Variants in WHRN observed in about 807,000 individuals in gnomAD.
WHRN encodes CASK-interacting protein CIP98.
WHRN carries 41 observed loss-of-function variants against 68.3 expected under a neutral mutation model. That is an observed-to-expected ratio of 0.60 (90% CI 0.47 to 0.78). The LOEUF is 0.78. Ranked by LOEUF, WHRN falls within the 30% of genes least tolerant of loss-of-function variation. WHRN has a pLI of 0.00. For missense variants in WHRN, 1,243 were observed against 1,244.7 expected, an observed-to-expected ratio of 1.00 and a Z score of 0.02; for synonymous variants, 560 against 561.3, an observed-to-expected ratio of 1.00 and a Z score of 0.03.
At chr9:114,428,007 G>A (rs955515524) in intron 3 of WHRN, among the ~76,000 whole-genome samples, 2 of 152,168 alleles carry the variant, frequency 1.3e-5, no homozygotes, top group African/African-American at 4.8e-5. Context: ...TATCCCCAGG[G>A]CCCAGCACAC....
chr9:114,476,395 C>T (rs768697063), intron 2 of WHRN, among the ~76,000 whole-genome samples: 118 of 152,074 alleles, frequency 7.8e-4, no homozygotes, highest in Non-Finnish European at 1.3e-3. Flanking sequence ...GCTGTCCTTG[C>T]TGCTTGGGAT....
intron 1 of WHRN, chr9:114,491,763 C>T: frequency 3.7e-6 from 1 of 272,594 alleles, no homozygotes; most frequent in Non-Finnish European, 7.6e-6. Context: ...CGTGTCCAAC[C>T]CTCCCGCCCT....
rs549295948 is a variant in WHRN, at chr9:114,439,951, C to T, written c.964-13538G>A. ...ATTTATTGAGACGGAGTCTCTCTGT[C>T]GCCCAGGCTCCAGTGCAGTGGTGTG... On this transcript the variant is annotated intron_variant, in intron 3 of 11. Coordinates refer to ENST00000362057, the MANE Select transcript of WHRN (RefSeq NM_015404.4). Among the ~76,000 whole-genome samples the T allele has an allele frequency of 1.3e-4, 20 of 152,336 alleles. No homozygotes were observed. In the South Asian group the frequency reaches 2.7e-3, roughly 21 times the overall value.
intron 1 of WHRN, among the ~76,000 whole-genome samples, chr9:114,482,435 C>A (rs180729158): frequency 6.6e-6 from 1 of 152,280 alleles, no homozygotes; most frequent in African/African-American, 2.4e-5. Flanking sequence ...GGATTCCAGT[C>A]GGCTTACCAG....
chr9:114,455,539 T>C (rs988299166), intron 3 of WHRN, among the ~76,000 whole-genome samples: 1 of 151,944 alleles, frequency 6.6e-6, no homozygotes, highest in African/African-American at 2.4e-5. Context: ...GACAAAACTC[T>C]TTCTGTACAA....
Position 114,466,247 on chromosome 9 carries a change from T to C in WHRN, c.963+20A>G. ...AGAGCTCCATGCACAGAGTTTTCCC[T>C]CCCTCAGGCCCTCCCTCACCTTGAG... is the stretch of plus-strand genomic sequence containing the variant. On this transcript the variant is annotated intron_variant, in intron 3 of 11. Coordinates refer to ENST00000362057, the MANE Select transcript of WHRN (RefSeq NM_015404.4). The C allele has an allele frequency of 6.2e-7, 1 of 1,613,624 alleles. No homozygotes were observed. Among genetic ancestry groups the C allele is most frequent in the Non-Finnish European group, 8.5e-7 (1 of 1,179,994 alleles).
chr9:114,434,037 C>T (rs1217044939), intron 3 of WHRN, among the ~76,000 whole-genome samples: 1 of 152,234 alleles, frequency 6.6e-6, no homozygotes, highest in Non-Finnish European at 1.5e-5. Flanking sequence ...CAAGGTCGTA[C>T]TCTGAGTCAA....
At chr9:114,425,402 A>G in intron 4 of WHRN, 2 of 556,936 alleles carry the variant, frequency 3.6e-6, no homozygotes, top group East Asian at 2.9e-5. Context: ...GAGATCCCAG[A>G]TGCAACTCGC....
At chr9:114,485,834 AC>A (rs1355937471) in intron 1 of WHRN, among the ~76,000 whole-genome samples, 5 of 151,996 alleles carry the variant, frequency 3.3e-5, no homozygotes, top group African/African-American at 1.2e-4. Flanking sequence ...GTGAGACGCC[AC>A]AAAAAAAATT....
At chr9:114,432,770 C>G (rs969305704) in intron 3 of WHRN, among the ~76,000 whole-genome samples, 1 of 152,160 alleles carries the variant, frequency 6.6e-6, no homozygotes, top group Non-Finnish European at 1.5e-5. Flanking sequence ...AGCACATAAA[C>G]AAGTAGCTAA....
chr9:114,412,921 C>T (rs974693110), intron 7 of WHRN, among the ~76,000 whole-genome samples: 1 of 152,226 alleles, frequency 6.6e-6, no homozygotes, highest in Admixed American at 6.5e-5. Flanking sequence ...CAGCCCAATT[C>T]CGGGTTTCTA....
chr9:114,434,826 C>T (rs1837710589), intron 3 of WHRN, among the ~76,000 whole-genome samples: 1 of 152,128 alleles, frequency 6.6e-6, no homozygotes, highest in South Asian at 2.1e-4. Flanking sequence ...CTTTAAAATG[C>T]CCCAGTAGCT....
chr9:114,480,198 A>T (rs1040612489), intron 1 of WHRN, among the ~76,000 whole-genome samples: 27 of 152,066 alleles, frequency 1.8e-4, no homozygotes, highest in African/African-American at 6.3e-4. Flanking sequence ...CAAGCCCAAA[A>T]CTCTACAGCC....
intron 1 of WHRN, among the ~76,000 whole-genome samples, chr9:114,487,527 G>A (rs755487374): frequency 1.3e-5 from 2 of 152,032 alleles, no homozygotes; most frequent in Non-Finnish European, 2.9e-5. Flanking sequence ...CACCACTACC[G>A]AATTCTCATT....
chr9:114,504,344 C>T lies in WHRN; in HGVS notation c.458G>A (p.Gly153Asp), dbSNP rs752926572. The change falls in exon 1 of 12, where the codon GGC becomes GAC. Residue 153 changes from glycine (G) to aspartate (D), a missense_variant. Coordinates refer to ENST00000362057, the MANE Select transcript of WHRN (RefSeq NM_015404.4). ...CTCCGAGCCCCCACGGATGCTGAAG[C>T]CCAAGCCCTCGTGGGCCTTGGCACG... ...LRRAKAHEGL[G>D]FSIRGGSEHG... 8 of 1,609,434 alleles carry T rather than the reference C, an allele frequency of 5.0e-6. No homozygotes were observed. The South Asian group carries it at 6.6e-5, about 13-fold the overall frequency.
At chr9:114,459,785 C>T (rs1199437807) in intron 3 of WHRN, among the ~76,000 whole-genome samples, 1 of 152,180 alleles carries the variant, frequency 6.6e-6, no homozygotes, top group African/African-American at 2.4e-5. Flanking sequence ...ATTAGGACTG[C>T]CATAAAATCA....
chr9:114,442,821 C>T (rs1053330165), intron 3 of WHRN, among the ~76,000 whole-genome samples: 3 of 152,230 alleles, frequency 2.0e-5, no homozygotes, highest in Non-Finnish European at 4.4e-5. Context: ...CCAGACAAAA[C>T]TCTCTTCTTT....
chr9:114,503,788 C>T (rs1045021300), intron 1 of WHRN: 2 of 238,604 alleles, frequency 8.4e-6, no homozygotes, highest in Non-Finnish European at 1.6e-5. Context: ...AAAACTGTTT[C>T]AGGGAAAAAC....
chr9:114,421,884 C>T (rs1836320008), intron 7 of WHRN, among the ~76,000 whole-genome samples: 1 of 152,086 alleles, frequency 6.6e-6, no homozygotes, highest in Non-Finnish European at 1.5e-5. Context: ...GTGGGGACAT[C>T]CCAGGAAGGG....
Sources: allele counts gnomAD v4.1 joint callset (sites outside exome capture counted in the v4.1 genomes callset), GRCh38; gene constraint gnomAD v4.1.1; transcripts MANE v1.5; gene names NCBI Gene and HGNC (gene_info 2026-07-23, HGNC 2026-07-21).